Variants in PRR11 observed in about 807,000 individuals in gnomAD.
PRR11 encodes the protein proline rich 11, also known as proline-rich protein 11.
PRR11 carries 30 observed loss-of-function variants against 45.6 expected under a neutral mutation model. The ratio of observed to expected loss-of-function variants is 0.66; its 90% CI spans 0.49 to 0.89. PRR11 has a LOEUF of 0.89. Ranked by LOEUF, PRR11 falls within the 40% of genes least tolerant of loss-of-function variation. PRR11 has a pLI of 0.00. For missense variants in PRR11, 373 were observed against 424.8 expected (o/e 0.88, Z 1.07); for synonymous variants, 128 against 153.5 (o/e 0.83, Z 1.23).
At chr17:59,196,441 A>G (rs1465341123) in intron 7 of PRR11, among the ~76,000 whole-genome samples, 3 of 152,060 alleles carry the variant, frequency 2.0e-5, no homozygotes, top group Admixed American at 6.6e-5. Flanking sequence ...CAGTGATGCA[A>G]TATCGGCTCA....
chr17:59,177,861 C>T (rs1347690609), intron 2 of PRR11, among the ~76,000 whole-genome samples: 1 of 152,084 alleles, frequency 6.6e-6, no homozygotes, highest in Non-Finnish European at 1.5e-5. Flanking sequence ...AAAAATTATT[C>T]GAGCATGATG....
intron 7 of PRR11, among the ~76,000 whole-genome samples, 200 bp from the exon 8 acceptor site, chr17:59,197,344 C>T (rs187319352): frequency 1.8e-3 from 269 of 151,582 alleles, no homozygotes; most frequent in Middle Eastern, 0.01. Flanking sequence ...CTCTGCCTTC[C>T]GGGTTCACGC....
intron 2 of PRR11, among the ~76,000 whole-genome samples, chr17:59,176,912 G>C (rs2046750135): frequency 6.6e-6 from 1 of 151,952 alleles, no homozygotes; most frequent in African/African-American, 2.4e-5. Flanking sequence ...AGTCAGGCTG[G>C]TCTCAAACTC....
chr17:59,193,833 G>T lies in PRR11; in HGVS notation c.645+99G>T, dbSNP rs1316051352. ...GCCTTTTAAGGCCAGGCTAATCAGGGCTTGGGCCAGAAGGCTATATTTTGT... is the reference window on the plus strand; with the variant it reads ...GCCTTTTAAGGCCAGGCTAATCAGGTCTTGGGCCAGAAGGCTATATTTTGT... On this transcript the variant is annotated intron_variant, in intron 5 of 9. Transcript: ENST00000262293. The T allele has an allele frequency of 2.2e-6, 3 of 1,369,168 alleles. No individual in the cohort carries two copies. The South Asian group carries it at 4.0e-5, about 18-fold the overall frequency. 84.8% of individuals were successfully genotyped at this position (1,369,168 alleles called of 1,614,324 possible). A position where few individuals can be genotyped will look rare whatever the true frequency, so the allele number is the denominator to read the frequency against.
intron 9 of PRR11, among the ~76,000 whole-genome samples, chr17:59,200,524 G>A (rs1033746863): frequency 1.2e-4 from 18 of 151,726 alleles, no homozygotes; most frequent in African/African-American, 4.1e-4. Flanking sequence ...ACGGAGTCTC[G>A]CTCTGTCGCC....
chr17:59,164,882 AAAAAAAAAAGGTCCTG>A (rs1186755945), intron 1 of PRR11, among the ~76,000 whole-genome samples: 1 of 151,988 alleles, frequency 6.6e-6, no homozygotes, highest in African/African-American at 2.4e-5. Flanking sequence ...GTGTCTCAAA[AAAAAAAAAAGGTCCTG>A]ACCATAGATT....
chr17:59,188,637 T>C (rs2046825556), intron 4 of PRR11, among the ~76,000 whole-genome samples: 1 of 152,038 alleles, frequency 6.6e-6, no homozygotes, highest in Non-Finnish European at 1.5e-5. Context: ...CAGGAAAACT[T>C]TTTTAAAGAA....
At chr17:59,177,405 G>T (rs1453098158) in intron 2 of PRR11, among the ~76,000 whole-genome samples, 1 of 152,142 alleles carries the variant, frequency 6.6e-6, no homozygotes, top group Non-Finnish European at 1.5e-5. Flanking sequence ...AAATTGCGGG[G>T]TGGTGGGGTA....
intron 2 of PRR11, among the ~76,000 whole-genome samples, chr17:59,183,699 G>C (rs1044082968): frequency 1.2e-4 from 18 of 152,242 alleles, no homozygotes; most frequent in African/African-American, 4.3e-4. Context: ...AGAAACTCTA[G>C]TCTATATATT....
chr17:59,194,973 G>C (rs1342758807), intron 6 of PRR11, 118 bp downstream of exon 6: 1 of 744,370 alleles, frequency 1.3e-6, no homozygotes, highest in Non-Finnish European at 2.2e-6. Flanking sequence ...CAGGAGTTCA[G>C]GACCAGCATG....
rs1250684663 is a variant in PRR11, at chr17:59,181,527, G to A, written c.129-3527G>A. 7.7e-6 allele frequency: 9 copies of A among 1,175,502 alleles called. No individual in the cohort carries two copies. The East Asian group carries it at 2.4e-4, about 32-fold the overall frequency. 72.8% of individuals were successfully genotyped at this position (1,175,502 alleles called of 1,614,324 possible). A position where few individuals can be genotyped will look rare whatever the true frequency, so the allele number is the denominator to read the frequency against. On this transcript the variant is annotated intron_variant, in intron 2 of 9. Transcript: ENST00000262293. The stretch of plus-strand genomic sequence containing the variant: ...TCCTCCTACCAAGCAGCCTGTTGAA[G>A]TCCTCATGGTGCTCAGGGAGCACGA...
intron 2 of PRR11, among the ~76,000 whole-genome samples, chr17:59,172,873 T>A (rs1054469002): frequency 6.6e-6 from 1 of 152,200 alleles, no homozygotes; most frequent in African/African-American, 2.4e-5. Context: ...ACAGCACCCA[T>A]CGCATGCCCG....
At chr17:59,180,169 CGCCCAG>C (rs967730600) in intron 2 of PRR11, among the ~76,000 whole-genome samples, 3 of 134,540 alleles carry the variant, frequency 2.2e-5, no homozygotes, top group Non-Finnish European at 4.6e-5. Flanking sequence ...CTTGCTTTGT[CGCCCAG>C]GCTGGAGTGT....
At chr17:59,197,891 G>A (rs2046874522) in intron 9 of PRR11, 102 bp downstream of exon 9, 1 of 996,098 alleles carries the variant, frequency 1.0e-6, no homozygotes, top group Admixed American at 2.2e-5. Flanking sequence ...AGGCTGAGGT[G>A]GGGAGATTGC....
intron 1 of PRR11, among the ~76,000 whole-genome samples, chr17:59,162,726 C>CTTTTT (rs34124387): frequency 1.7e-5 from 2 of 117,314 alleles, no homozygotes; most frequent in East Asian, 2.4e-4. Context: ...CTTTCTCTCC[C>CTTTTT]TTTTTTTTTT....
chr17:59,174,855 CT>C, intron 2 of PRR11: 1 of 1,258,956 alleles, frequency 7.9e-7, no homozygotes, highest in South Asian at 1.2e-5. Context: ...ACAAACGCCC[CT>C]TAAGAAGATG....
chr17:59,155,819 C>A lies in PRR11; in HGVS notation c.-6+14C>A, dbSNP rs1197253307. ...GCTCTTAGACTAGTAAGTGCAGGAA[C>A]GATTATTTCTTTGTTATCTGAGCTC... On this transcript the variant is annotated intron_variant, in intron 1 of 9. Transcript: ENST00000262293. 6.5e-6 allele frequency: 1 copy of A among 153,844 alleles called. No individual in the cohort carries two copies. The highest frequency in any genetic ancestry group is 1.5e-5 in the Non-Finnish European group (1 of 68,846). 9.5% of individuals were successfully genotyped at this position (153,844 alleles called of 1,614,324 possible).
chr17:59,182,096 C>G (rs1343334270), intron 2 of PRR11, among the ~76,000 whole-genome samples: 1 of 150,990 alleles, frequency 6.6e-6, no homozygotes, highest in African/African-American at 2.4e-5. Flanking sequence ...GGTGCAATCT[C>G]AGTTCACTGC....
At chr17:59,172,289 G>A (rs1405021533) in intron 2 of PRR11, among the ~76,000 whole-genome samples, 3 of 152,214 alleles carry the variant, frequency 2.0e-5, no homozygotes, top group African/African-American at 4.8e-5. Context: ...AGGTGGTGGT[G>A]CAGAAAGGGG....
Sources: gnomAD v4.1 joint callset for allele counts (sites outside exome capture counted in the v4.1 genomes callset) on GRCh38, gnomAD v4.1.1 for gene constraint, MANE v1.5 for transcripts, NCBI Gene and HGNC (gene_info 2026-07-23, HGNC 2026-07-21) for gene names.